LRP1B: variants seen among roughly 807,000 people sequenced by gnomAD.
LRP1B encodes the protein LDL receptor related protein 1B.
LRP1B carries 217 observed loss-of-function variants against 556.6 expected under a neutral mutation model. The observed-to-expected ratio is 0.39, with a 90% CI of 0.35 to 0.44. The LOEUF (loss-of-function observed/expected upper bound fraction) is 0.44, where lower values mean the gene tolerates loss of function less well. Ranked by LOEUF, LRP1B falls within the 20% of genes least tolerant of loss-of-function variation. The pLI, the probability that LRP1B is intolerant of heterozygous loss-of-function variation, is 1.00. For synonymous variants in LRP1B, 2,047 were observed against 1,865.8 expected, an observed-to-expected ratio of 1.10 and a Z score of -2.50; for missense variants, 5,053 against 5,620.8, an observed-to-expected ratio of 0.90 and a Z score of 3.23.
chr2:140,679,042 G>T (rs1270891706), intron 41 of LRP1B, among the ~76,000 whole-genome samples: 1 of 152,142 alleles, frequency 6.6e-6, no homozygotes, highest in African/African-American at 2.4e-5. Flanking sequence ...CTCCCAAAGT[G>T]CTGGGACTAC....
At chr2:140,485,816 T>C (rs1419263283) in intron 58 of LRP1B, among the ~76,000 whole-genome samples, 1 of 149,982 alleles carries the variant, frequency 6.7e-6, no homozygotes, top group Non-Finnish European at 1.5e-5. Context: ...ATTCATCCTC[T>C]TAAAATTTGG....
intron 1 of LRP1B, among the ~76,000 whole-genome samples, chr2:142,118,665 G>A (rs1426282983): frequency 3.3e-5 from 5 of 152,102 alleles, no homozygotes; most frequent in Non-Finnish European, 5.9e-5. Flanking sequence ...GTTCCAGTCA[G>A]GGGGCATAAA....
At chr2:141,505,364 G>A (rs12617980) in intron 2 of LRP1B, among the ~76,000 whole-genome samples, 148,192 of 152,114 alleles carry the variant, frequency 0.97, 72,296 homozygotes, top group East Asian at 1. Context: ...AGAGTAAATA[G>A]CACATTTTAA....
intron 11 of LRP1B, among the ~76,000 whole-genome samples, chr2:141,034,800 G>A (rs563591644): frequency 5.0e-4 from 75 of 149,324 alleles, no homozygotes; most frequent in African/African-American, 1.7e-3. Context: ...TCAGTGTGGC[G>A]ATTCCTCAGG....
At chr2:140,859,873 T>C (rs572715659) in intron 27 of LRP1B, among the ~76,000 whole-genome samples, 2 of 152,006 alleles carry the variant, frequency 1.3e-5, no homozygotes, top group Non-Finnish European at 2.9e-5. Flanking sequence ...CGGACACCTG[T>C]AGTCCCAGCT....
intron 31 of LRP1B, among the ~76,000 whole-genome samples, chr2:140,816,926 A>G (rs959867223): frequency 6.6e-6 from 1 of 152,176 alleles, no homozygotes; most frequent in African/African-American, 2.4e-5. Context: ...ATTGGTATAC[A>G]TGATGCTGGA....
At chr2:140,784,693 T>C (rs555363426) in intron 32 of LRP1B, among the ~76,000 whole-genome samples, 1 of 149,840 alleles carries the variant, frequency 6.7e-6, no homozygotes, top group South Asian at 2.1e-4. Context: ...AGAAATGATA[T>C]ACATGAAGCT....
intron 2 of LRP1B, among the ~76,000 whole-genome samples, chr2:141,717,510 C>A (rs2105490676): frequency 6.6e-6 from 1 of 152,168 alleles, no homozygotes; most frequent in East Asian, 1.9e-4. Flanking sequence ...GCCAATATAA[C>A]TCAATGCATC....
intron 1 of LRP1B, among the ~76,000 whole-genome samples, chr2:141,985,365 C>T (rs1490052330): frequency 6.6e-6 from 1 of 152,128 alleles, no homozygotes; most frequent in Non-Finnish European, 1.5e-5. Context: ...TGTGCCAGCA[C>T]ATTACCATCA....
intron 10 of LRP1B, among the ~76,000 whole-genome samples, chr2:141,054,336 G>T (rs1699120217): frequency 6.6e-6 from 1 of 151,846 alleles, no homozygotes; most frequent in African/African-American, 2.4e-5. Flanking sequence ...AAAAATAATG[G>T]TGTTTGGGGA....
intron 1 of LRP1B, among the ~76,000 whole-genome samples, chr2:141,902,532 G>A (rs1699649871): frequency 6.6e-6 from 1 of 151,990 alleles, no homozygotes; most frequent in Non-Finnish European, 1.5e-5. Flanking sequence ...ACAGAGAAGA[G>A]TAGAATAGAA....
intron 1 of LRP1B, among the ~76,000 whole-genome samples, chr2:141,953,164 A>G (rs1701157980): frequency 1.3e-5 from 2 of 151,998 alleles, no homozygotes; most frequent in Non-Finnish European, 2.9e-5. Context: ...AAGCATTTTG[A>G]GTGTGTGAGA....
chr2:141,209,429 G>A (rs767652655), intron 6 of LRP1B, among the ~76,000 whole-genome samples: 17 of 152,120 alleles, frequency 1.1e-4, no homozygotes, highest in Admixed American at 5.2e-4. Flanking sequence ...CAGCTATGCC[G>A]AGCTGTGAGT....
At chr2:140,525,199 T>C (rs1271685762) in intron 49 of LRP1B, among the ~76,000 whole-genome samples, 1 of 151,882 alleles carries the variant, frequency 6.6e-6, no homozygotes, top group African/African-American at 2.4e-5. Context: ...GTGTCCTATA[T>C]AGAATCTCTA....
At chr2:141,217,575 T>C (rs748556592) in intron 6 of LRP1B, among the ~76,000 whole-genome samples, 60 of 152,230 alleles carry the variant, frequency 3.9e-4, no homozygotes, top group African/African-American at 4.3e-4. Flanking sequence ...TCTCACCATT[T>C]ACAAAAATTA....
rs115853763 is a variant in LRP1B, at chr2:140,490,479, T to C, written c.9120+2129A>G. Reference sequence around the variant, plus strand: ...ACAAAGAGAATAAAATTTGTGATATTAGAATCAATCATTCTTGCTAATCAG... The same window carrying C: ...ACAAAGAGAATAAAATTTGTGATATCAGAATCAATCATTCTTGCTAATCAG... On this transcript the variant is annotated intron_variant, in intron 57 of 90. Transcript: ENST00000389484. Among the ~76,000 whole-genome samples the C allele has an allele frequency of 1.3e-3, 197 of 152,270 alleles. 1 individual carries two copies. The highest frequency in any genetic ancestry group is 2.6e-3 in the Non-Finnish European group (175 of 67,986).
intron 25 of LRP1B, among the ~76,000 whole-genome samples, chr2:140,869,284 G>T (rs1693050851): frequency 6.6e-6 from 1 of 151,892 alleles, no homozygotes; most frequent in Non-Finnish European, 1.5e-5. Context: ...ATTCCTTTTG[G>T]TCATGGGACA....
chr2:140,881,099 T>C (rs1445906301), intron 25 of LRP1B, among the ~76,000 whole-genome samples: 1 of 152,204 alleles, frequency 6.6e-6, no homozygotes, highest in East Asian at 1.9e-4. Flanking sequence ...ATATCAATGC[T>C]GATTCTCAGC....
In LRP1B at chr2:140,868,103, C is replaced by A. The variant is rs780483019; in HGVS notation, c.4330G>T (p.Ala1444Ser). Residue 1444 changes from alanine (A) to serine (S), a missense_variant, in exon 26 of 91, where the codon GCC (alanine) becomes TCC (serine). Physicochemically the swap from Ala to Ser is moderately conservative, Grantham distance 99. Around this residue, in one of 5 missense-constraint regions of LRP1B, gnomAD observed 3,619 missense variants for 3,931.9 expected, o/e 0.92. Coordinates refer to ENST00000389484, the MANE Select transcript of LRP1B (RefSeq NM_018557.3). ...AAAAGAGATGATTTTTTAAACCTGG[C>A]GTCTGTCCACACTATCCTTTTCTCA... ...HFEKRIVWTD[A>S]RSDAIYSALY... is the part of the protein sequence containing the mutation. The A allele has an allele frequency of 6.3e-7, 1 of 1,576,970 alleles. No homozygotes were observed. The highest frequency in any genetic ancestry group is 8.6e-7 in the Non-Finnish European group (1 of 1,168,802).
Sources: allele counts gnomAD v4.1 joint callset (sites outside exome capture counted in the v4.1 genomes callset), GRCh38; gene constraint gnomAD v4.1.1; regional missense constraint gnomAD v4.1.1; transcripts MANE v1.5; gene names NCBI Gene and HGNC (gene_info 2026-07-23, HGNC 2026-07-21).